The following FAIM2 variants were observed in gnomAD, a reference collection of about 807,000 sequenced individuals.
FAIM2 encodes the protein protein lifeguard 2.
FAIM2 carries 27 observed loss-of-function variants against 47.4 expected under a neutral mutation model. That is an observed-to-expected ratio of 0.57 (90% CI 0.42 to 0.78). The LOEUF is 0.78. Ranked by LOEUF, FAIM2 falls within the 30% of genes least tolerant of loss-of-function variation. The pLI is 0.00. For synonymous variants in FAIM2, 156 were observed against 159.3 expected, an observed-to-expected ratio of 0.98 and a Z score of 0.16; for missense variants, 311 against 389.4, an observed-to-expected ratio of 0.80 and a Z score of 1.69.
At chr12:49,878,262 ATG>A (rs148972719) in intron 11 of FAIM2, among the ~76,000 whole-genome samples, 21,286 of 126,550 alleles carry the variant, frequency 0.17, 4,522 homozygotes, top group East Asian at 0.23. Context: ...GTGTATGTGC[ATG>A]TGTGTGTCCA....
In FAIM2 at chr12:49,870,613, C is replaced by T. The variant is rs1462386634; in HGVS notation, c.842G>A (p.Arg281His). ...LDTQLLMGNR[R>H]HSLSPEEYIF... The stretch of plus-strand genomic sequence containing the variant: ...ATACTCCTCAGGGCTCAGCGAGTGG[C>T]GTCGGTTACCCATCAGCAACTGGGT... The change falls in exon 12 of 12, where the codon CGC becomes CAC. Residue 281 changes from arginine (R) to histidine (H), a missense_variant. By Grantham distance (29) the Arg-to-His change is conservative. Coordinates refer to ENST00000320634, the MANE Select transcript of FAIM2 (RefSeq NM_012306.4). The T allele has an allele frequency of 3.1e-6, 5 of 1,613,826 alleles. No individual in the cohort carries two copies. Among genetic ancestry groups the T allele is most frequent in the East Asian group, 2.2e-5 (1 of 44,890 alleles).
In FAIM2 at chr12:49,901,242, T is replaced by C. The variant is rs749945552; in HGVS notation, c.99A>G (p.Ser33=). 1 of 1,611,404 alleles carries C rather than the reference T, an allele frequency of 6.2e-7. No homozygotes were observed. The highest frequency in any genetic ancestry group is 2.2e-5 in the East Asian group (1 of 44,520). The change falls in exon 2 of 12, where the codon TCA becomes TCG. Residue 33 remains serine, a synonymous_variant. Coordinates refer to ENST00000320634, the MANE Select transcript of FAIM2 (RefSeq NM_012306.4). Reference sequence around the variant, plus strand: ...TGGCTTCCTCATAGGAGGGTGGGGCTGAGGGCACTGCTGGAGCCTCCTTCT... The same window carrying C: ...TGGCTTCCTCATAGGAGGGTGGGGCCGAGGGCACTGCTGGAGCCTCCTTCT... The part of the protein sequence containing the change: ...GEKKEAPAVP[S]APPSYEEATS...
intron 11 of FAIM2, among the ~76,000 whole-genome samples, chr12:49,879,001 T>C (rs1946773534): frequency 1.5e-5 from 2 of 135,076 alleles, no homozygotes; most frequent in Non-Finnish European, 3.1e-5. Context: ...TGTATCTGTG[T>C]ATGTGCATGT....
At chr12:49,901,632 T>G (rs1946983009) in intron 1 of FAIM2, 1 of 277,420 alleles carries the variant, frequency 3.6e-6, no homozygotes, top group South Asian at 1.5e-4. Flanking sequence ...TCTCTATGGT[T>G]CCAGAAAAGA....
At chr12:49,886,620 G>T (rs1025346204) in intron 11 of FAIM2, among the ~76,000 whole-genome samples, 1 of 151,954 alleles carries the variant, frequency 6.6e-6, no homozygotes, top group Non-Finnish European at 1.5e-5. Context: ...GAATACAGGC[G>T]CCCGCCACCA....
Position 49,898,017 on chromosome 12 carries a change from G to T in FAIM2, c.285C>A (p.Asp95Glu), listed in dbSNP as rs1946951957. 2 of 1,613,870 alleles carry T rather than the reference G, an allele frequency of 1.2e-6. No individual in the cohort carries two copies. The highest frequency in any genetic ancestry group is 1.7e-6 in the Non-Finnish European group (2 of 1,179,902). ...TGACAAAGACTCGACGAACTTTCTG[G>T]TCATCCCAGCTGAAAGTGGTGAAGA... ...HELFTTFSWD[D>E]QKVRRVFVRK... The change falls in exon 3 of 12, where the codon GAC becomes GAA. Residue 95 changes from aspartate to glutamate, a missense_variant. By Grantham distance (45) the Asp-to-Glu change is conservative (BLOSUM62 2). Coordinates refer to ENST00000320634, the MANE Select transcript of FAIM2 (RefSeq NM_012306.4).
At chr12:49,898,641 C>T (rs562905054) in intron 2 of FAIM2, among the ~76,000 whole-genome samples, 1 of 152,298 alleles carries the variant, frequency 6.6e-6, no homozygotes, top group East Asian at 1.9e-4. Context: ...ATCCTCCCAC[C>T]TCAACCTCCC....
chr12:49,888,872 G>A (rs1249750435), intron 10 of FAIM2, among the ~76,000 whole-genome samples: 2 of 152,232 alleles, frequency 1.3e-5, no homozygotes, highest in Non-Finnish European at 2.9e-5. Flanking sequence ...CGGGAAAAGT[G>A]AAGCCGGATG....
chr12:49,883,318 G>A (rs938890178), intron 11 of FAIM2, among the ~76,000 whole-genome samples: 1 of 152,120 alleles, frequency 6.6e-6, no homozygotes, highest in Non-Finnish European at 1.5e-5. Context: ...GCTGGGACAG[G>A]GAGTAGCCAT....
intron 1 of FAIM2, among the ~76,000 whole-genome samples, chr12:49,903,559 G>A (rs1240845696): frequency 6.6e-6 from 1 of 152,260 alleles, no homozygotes; most frequent in African/African-American, 2.4e-5. Flanking sequence ...AGGGGTGGCA[G>A]GGTGACAGGG....
chr12:49,880,416 G>C (rs911009930), intron 11 of FAIM2, among the ~76,000 whole-genome samples: 1 of 151,388 alleles, frequency 6.6e-6, no homozygotes, highest in African/African-American at 2.4e-5. Flanking sequence ...ATGTGCATGT[G>C]TATATGTGCA....
intron 11 of FAIM2, among the ~76,000 whole-genome samples, chr12:49,879,662 A>ATG (rs554457188): frequency 1.5e-5 from 2 of 136,046 alleles, no homozygotes; most frequent in Non-Finnish European, 3.2e-5. Context: ...GAATGTGTAT[A>ATG]TGTGAGTGTG....
At chr12:49,878,149 TGTGTATGA>T (rs1422478818) in intron 11 of FAIM2, among the ~76,000 whole-genome samples, 1 of 123,912 alleles carries the variant, frequency 8.1e-6, no homozygotes, top group Non-Finnish European at 1.6e-5. Flanking sequence ...CATGTGAGTG[TGTGTATGA>T]GTGTATGTGT....
intron 8 of FAIM2, among the ~76,000 whole-genome samples, 175 bp from the exon 9 acceptor site, chr12:49,889,743 C>T (rs1398952052): frequency 6.6e-6 from 1 of 152,134 alleles, no homozygotes; most frequent in African/African-American, 2.4e-5. Context: ...TGGGCCCTGC[C>T]CCTCCCAACA....
intron 11 of FAIM2, among the ~76,000 whole-genome samples, chr12:49,881,275 A>T (rs1298127334): frequency 6.6e-6 from 1 of 152,160 alleles, no homozygotes; most frequent in Non-Finnish European, 1.5e-5. Context: ...TCCTTAAAGC[A>T]CAACAACTGT....
chr12:49,878,600 G>GTGTGCATCTGTATGTGTGCA lies in FAIM2; in HGVS notation c.802-7948_802-7947insTGCACACATACAGATGCACA, dbSNP rs1565613365. Among the ~76,000 whole-genome samples the GTGTGCATCTGTATGTGTGCA allele has an allele frequency of 3.8e-4, 47 of 124,328 alleles. 9 individuals are homozygous for GTGTGCATCTGTATGTGTGCA. The highest frequency in any genetic ancestry group is 1.6e-3 in the African/African-American group (47 of 30,032). 81.6% of individuals were successfully genotyped at this position (124,328 alleles called of 152,430 possible). A position where few individuals can be genotyped will look rare whatever the true frequency, so the allele number is the denominator to read the frequency against. On this transcript the variant is annotated intron_variant, in intron 11 of 11. Coordinates refer to ENST00000320634, the MANE Select transcript of FAIM2 (RefSeq NM_012306.4). ...TGTATATGTACATGTGTATGTGTAT[G>GTGTGCATCTGTATGTGTGCA]TGTGCATGTGTATGTGTGCATATGT...
At chr12:49,880,507 A>ATGTGTGTAT (rs1565615034) in intron 11 of FAIM2, among the ~76,000 whole-genome samples, 1 of 34,766 alleles carries the variant, frequency 2.9e-5, no homozygotes, top group Non-Finnish European at 6.1e-5. Context: ...TGTGTGTATG[A>ATGTGTGTAT]GTGTGTATGT....
intron 3 of FAIM2, 117 bp downstream of exon 3, chr12:49,897,870 G>A (rs1946950232): frequency 1.3e-6 from 1 of 784,750 alleles, no homozygotes; most frequent in Non-Finnish European, 2.2e-6. Flanking sequence ...CTGTCAGCTG[G>A]GATCACAAGA....
At chr12:49,876,303 C>G (rs1300636870) in intron 11 of FAIM2, among the ~76,000 whole-genome samples, 1 of 152,206 alleles carries the variant, frequency 6.6e-6, no homozygotes, top group Non-Finnish European at 1.5e-5. Flanking sequence ...GATAGGGAAA[C>G]TGAAGCACAA....
Sources: allele counts gnomAD v4.1 joint callset (sites outside exome capture counted in the v4.1 genomes callset), GRCh38; gene constraint gnomAD v4.1.1; transcripts MANE v1.5; gene names NCBI Gene and HGNC (gene_info 2026-07-23, HGNC 2026-07-21).